MED15: variants seen among roughly 807,000 people sequenced by gnomAD.
MED15 encodes the protein mediator complex subunit 15.
A neutral mutation model predicts 118.7 loss-of-function variants in MED15; 41 were observed. The ratio of observed to expected loss-of-function variants is 0.35; its 90% CI spans 0.27 to 0.45. The LOEUF (loss-of-function observed/expected upper bound fraction) is 0.45. Ranked by LOEUF, MED15 falls within the 20% of genes least tolerant of loss-of-function variation. MED15 has a pLI of 1.00. For missense variants in MED15, 740 were observed against 1,025.5 expected (o/e 0.72, Z 3.80); for synonymous variants, 436 against 413.9 (o/e 1.05, Z -0.65).
At position 20,586,555 on chromosome 22, in the gene MED15, T is replaced by C. The variant is rs760738587; in HGVS notation, c.2231-13T>C. ...CCGGCCGCCTTAGGTTCACGCCCACTGCTCTGTTGCAGACGCCAACCCCTT... is the reference window on the plus strand; with the variant it reads ...CCGGCCGCCTTAGGTTCACGCCCACCGCTCTGTTGCAGACGCCAACCCCTT... On this transcript the variant is annotated splice_polypyrimidine_tract_variant and intron_variant, in intron 17 of 17. Coordinates refer to ENST00000263205, the MANE Select transcript of MED15 (RefSeq NM_001003891.3). 5.6e-6 allele frequency: 9 copies of C among 1,610,788 alleles called. No homozygotes were observed. The South Asian group carries it at 7.7e-5, about 14-fold the overall frequency.
At chr22:20,548,771 A>G (rs1486730068) in intron 2 of MED15, among the ~76,000 whole-genome samples, 1 of 152,184 alleles carries the variant, frequency 6.6e-6, no homozygotes, top group Non-Finnish European at 1.5e-5. Flanking sequence ...GCACTTGTGC[A>G]AGATTTCCAC....
chr22:20,580,723 G>A (rs1179217940), intron 9 of MED15, among the ~76,000 whole-genome samples: 1 of 152,134 alleles, frequency 6.6e-6, no homozygotes, highest in Non-Finnish European at 1.5e-5. Context: ...CATGTGTTCC[G>A]GTGTCTGGGA....
chr22:20,570,999 A>G (rs1434417300), intron 8 of MED15, among the ~76,000 whole-genome samples: 6 of 151,776 alleles, frequency 4.0e-5, no homozygotes, highest in Non-Finnish European at 7.4e-5. Flanking sequence ...ACTTCAAGTG[A>G]TCCACCTGCC....
At chr22:20,549,567 T>C (rs1401924812) in intron 2 of MED15, among the ~76,000 whole-genome samples, 1 of 152,116 alleles carries the variant, frequency 6.6e-6, no homozygotes, top group Non-Finnish European at 1.5e-5. Context: ...AAGGAGTTGT[T>C]GTGGTTGACC....
At chr22:20,563,343 A>G (rs2146574556) in intron 5 of MED15, among the ~76,000 whole-genome samples, 1 of 152,346 alleles carries the variant, frequency 6.6e-6, no homozygotes, top group South Asian at 2.1e-4. Context: ...TGCTTGTACC[A>G]TGGAATACCC....
Position 20,574,806 on chromosome 22 carries a change from G to A in MED15, c.1153-307G>A, listed in dbSNP as rs944478189. 2.0e-5 allele frequency: 6 copies of A among 298,440 alleles called. No individual in the cohort carries two copies. The Admixed American group carries it at 2.5e-4, about 12-fold the overall frequency. 18.5% of individuals were successfully genotyped at this position (298,440 alleles called of 1,614,324 possible). The stretch of plus-strand genomic sequence containing the variant: ...ATGGTTCTGTGGGCTATAGGATTCT[G>A]ATCTGTTAGCGAGGTGTGTTCAGAA... On this transcript the variant is annotated intron_variant, in intron 8 of 17. Transcript: ENST00000263205.
intron 1 of MED15, among the ~76,000 whole-genome samples, chr22:20,535,879 T>C (rs1330174662): frequency 7.2e-5 from 2 of 27,606 alleles, no homozygotes; most frequent in African/African-American, 2.6e-4. Flanking sequence ...TTTCTTTTTT[T>C]TTTTTTTTTT....
At chr22:20,517,765 G>A (rs1706875933) in intron 1 of MED15, among the ~76,000 whole-genome samples, 2 of 152,134 alleles carry the variant, frequency 1.3e-5, no homozygotes, top group Admixed American at 1.3e-4. Context: ...GCTGTCCTGA[G>A]GGGACATTCA....
intron 2 of MED15, among the ~76,000 whole-genome samples, chr22:20,538,123 A>G (rs1468711368): frequency 6.6e-6 from 1 of 152,268 alleles, no homozygotes; most frequent in Non-Finnish European, 1.5e-5. Flanking sequence ...TTCATTAATA[A>G]ATAAAAAGAG....
At chr22:20,560,672 G>A (rs896344004) in intron 5 of MED15, among the ~76,000 whole-genome samples, 1 of 152,148 alleles carries the variant, frequency 6.6e-6, no homozygotes, top group African/African-American at 2.4e-5. Context: ...GTGAGATTAC[G>A]GGCATGAGCC....
At chr22:20,550,956 T>G (rs2055745921) in intron 2 of MED15, 3 of 355,452 alleles carry the variant, frequency 8.4e-6, no homozygotes, top group South Asian at 2.1e-5. Flanking sequence ...GCCCAGATTT[T>G]CAGCAGATAC....
At chr22:20,572,952 A>C (rs979744256) in intron 8 of MED15, among the ~76,000 whole-genome samples, 2 of 149,564 alleles carry the variant, frequency 1.3e-5, no homozygotes, top group Non-Finnish European at 3.0e-5. Context: ...ACAGGACAGA[A>C]TGCATCTCAT....
intron 1 of MED15, among the ~76,000 whole-genome samples, chr22:20,521,708 T>TTATTTATA (rs2054468183): frequency 9.6e-6 from 1 of 103,670 alleles, no homozygotes; most frequent in Non-Finnish European, 2.4e-5. Context: ...ATTTATTTAT[T>TTATTTATA]TATTTATTTA....
At chr22:20,519,199 G>A (rs927002303) in intron 1 of MED15, among the ~76,000 whole-genome samples, 3 of 152,112 alleles carry the variant, frequency 2.0e-5, no homozygotes, top group Admixed American at 6.6e-5. Flanking sequence ...CTAGAGAACA[G>A]AGGGGAATAG....
At position 20,585,742 on chromosome 22, in the gene MED15, C is replaced by A; in HGVS notation, c.2146C>A (p.Pro716Thr). ...LICKLDDKDLPSVPPLELSVP... is the reference protein window; with the variant it reads ...LICKLDDKDLTSVPPLELSVP... ...CTGTGTTGCAGATGACAAGGACCTC[C>A]CAAGTGTGCCACCACTGGAGCTCAG... is the stretch of plus-strand genomic sequence containing the variant. The change falls in exon 17 of 18, where the codon CCA (proline) becomes ACA (threonine). Residue 716 changes from proline (P) to threonine (T), a missense_variant. By Grantham distance (38) the Pro-to-Thr change is conservative (BLOSUM62 -1). Transcript: ENST00000263205. The A allele has an allele frequency of 6.2e-7, 1 of 1,613,330 alleles. No individual in the cohort carries two copies. The highest frequency in any genetic ancestry group is 8.5e-7 in the Non-Finnish European group (1 of 1,179,982).
intron 9 of MED15, among the ~76,000 whole-genome samples, chr22:20,576,379 T>C (rs1192912861): frequency 1.3e-5 from 2 of 152,224 alleles, no homozygotes; most frequent in Non-Finnish European, 1.5e-5. Flanking sequence ...TGCAGCTCTG[T>C]TCTACACAGG....
At chr22:20,544,541 C>T (rs2055446951) in intron 2 of MED15, among the ~76,000 whole-genome samples, 1 of 152,132 alleles carries the variant, frequency 6.6e-6, no homozygotes, top group Admixed American at 6.5e-5. Context: ...GTGGCGGGCG[C>T]CTGGAGTCCC....
intron 1 of MED15, among the ~76,000 whole-genome samples, chr22:20,518,308 T>C (rs1436615138): frequency 1.3e-5 from 2 of 152,194 alleles, no homozygotes. Flanking sequence ...ATTCCATCCT[T>C]TCCATCCCTG....
At chr22:20,514,447 G>C (rs982210102) in intron 1 of MED15, among the ~76,000 whole-genome samples, 3 of 152,168 alleles carry the variant, frequency 2.0e-5, no homozygotes, top group African/African-American at 7.2e-5. Context: ...GTTTTTCTGT[G>C]ATCCTATTCT....
Sources: allele counts gnomAD v4.1 joint callset (sites outside exome capture counted in the v4.1 genomes callset), GRCh38; gene constraint gnomAD v4.1.1; transcripts MANE v1.5; gene names NCBI Gene and HGNC (gene_info 2026-07-23, HGNC 2026-07-21).